The following BTBD9 variants were observed in gnomAD, a reference collection of about 807,000 sequenced individuals.
BTBD9 encodes the protein BTB/POZ domain-containing protein 9.
Under a neutral mutation model 64.3 loss-of-function variants are expected in BTBD9, and 49 were observed. The ratio of observed to expected loss-of-function variants is 0.76; its 90% CI spans 0.61 to 0.97. BTBD9 has a LOEUF of 0.97. Ranked by LOEUF, BTBD9 falls within the 50% of genes least tolerant of loss-of-function variation. BTBD9 has a pLI of 0.00. For missense variants in BTBD9, 598 were observed against 762.1 expected, an observed-to-expected ratio of 0.78 and a Z score of 2.53; for synonymous variants, 260 against 274.7, an observed-to-expected ratio of 0.95 and a Z score of 0.53.
At chr6:38,556,804 G>C (rs1421919420) in intron 6 of BTBD9, among the ~76,000 whole-genome samples, 2 of 150,728 alleles carry the variant, frequency 1.3e-5, no homozygotes, top group Non-Finnish European at 3.0e-5. Flanking sequence ...ATCACCTGAG[G>C]TCAGGAGTTC....
chr6:38,508,802 T>A (rs1772652190), intron 6 of BTBD9, among the ~76,000 whole-genome samples: 1 of 152,184 alleles, frequency 6.6e-6, no homozygotes, highest in Non-Finnish European at 1.5e-5. Context: ...TCCATACATG[T>A]TATTCCCCCA....
At chr6:38,327,290 C>T (rs1038627200) in intron 7 of BTBD9, among the ~76,000 whole-genome samples, 4 of 152,152 alleles carry the variant, frequency 2.6e-5, no homozygotes, top group Non-Finnish European at 5.9e-5. Flanking sequence ...GCTCACCCAC[C>T]AGGCTTCCAC....
intron 6 of BTBD9, among the ~76,000 whole-genome samples, chr6:38,490,256 G>T (rs1305393423): frequency 6.6e-6 from 1 of 152,128 alleles, no homozygotes; most frequent in Non-Finnish European, 1.5e-5. Context: ...TTCTCTCTGG[G>T]TACCATAACC....
intron 1 of BTBD9, among the ~76,000 whole-genome samples, chr6:38,619,787 T>G (rs1172106056): frequency 6.6e-6 from 1 of 152,226 alleles, no homozygotes; most frequent in African/African-American, 2.4e-5. Flanking sequence ...GGGACAGCCT[T>G]GTAACCAGGT....
At chr6:38,399,577 CTG>C (rs1182810088) in intron 6 of BTBD9, among the ~76,000 whole-genome samples, 2 of 152,178 alleles carry the variant, frequency 1.3e-5, no homozygotes, top group African/African-American at 2.4e-5. Context: ...ATGGCAGAGA[CTG>C]TGAGTTGCCT....
Position 38,495,600 on chromosome 6 carries a change from T to C in BTBD9, c.1154+82000A>G, listed in dbSNP as rs533485420. 7.9e-5 allele frequency among the ~76,000 whole-genome samples: 12 copies of C among 152,352 alleles called. No homozygotes were observed. The East Asian group carries it at 2.1e-3, about 27-fold the overall frequency. On this transcript the variant is annotated intron_variant, in intron 6 of 10. Coordinates refer to ENST00000481247, the MANE Select transcript of BTBD9 (RefSeq NM_001099272.2). ...GAATTGGCATTTGTTATGTGCTTCATGTGCTACTGGTTGCACCCAGCTTTT... is the reference window on the plus strand; with the variant it reads ...GAATTGGCATTTGTTATGTGCTTCACGTGCTACTGGTTGCACCCAGCTTTT...
At position 38,174,987 on chromosome 6, in the gene BTBD9, A is replaced by G; in HGVS notation, c.1837T>C (p.Ter613GlnextTer22). The G allele has an allele frequency of 6.2e-7, 1 of 1,613,714 alleles. No homozygotes were observed. The highest frequency in any genetic ancestry group is 8.5e-7 in the Non-Finnish European group (1 of 1,179,998). ...TCACACCAGGCCCGCTGCCTCCTTTATTGGTGCTGCCGGTTGGGGGAGCGT... is the reference window on the plus strand; with the variant it reads ...TCACACCAGGCCCGCTGCCTCCTTTGTTGGTGCTGCCGGTTGGGGGAGCGT... ...NSRSPNRQHQ[*>Q] Residue 613 changes from the stop codon to glutamine (Q), a stop_lost, in exon 11 of 11, where the codon TAA becomes CAA. Coordinates refer to ENST00000481247, the MANE Select transcript of BTBD9 (RefSeq NM_001099272.2).
At chr6:38,493,125 T>C (rs4454130) in intron 6 of BTBD9, among the ~76,000 whole-genome samples, 14,091 of 152,206 alleles carry the variant, frequency 0.093, 876 homozygotes, top group African/African-American at 0.15. Context: ...TAAAGGATAT[T>C]TATCAACAAT....
chr6:38,179,575 G>A (rs760489288), intron 10 of BTBD9: 2 of 456,616 alleles, frequency 4.4e-6, no homozygotes, highest in African/African-American at 2.0e-5. Flanking sequence ...TGCGCCCACA[G>A]CGCAGCTCCT....
chr6:38,305,465 A>G (rs1762592725), intron 7 of BTBD9, among the ~76,000 whole-genome samples: 1 of 152,068 alleles, frequency 6.6e-6, no homozygotes, highest in African/African-American at 2.4e-5. Flanking sequence ...TAAAGACTAT[A>G]AAAGGTTATT....
intron 8 of BTBD9, among the ~76,000 whole-genome samples, chr6:38,286,163 T>C (rs1761722980): frequency 6.6e-6 from 1 of 152,172 alleles, no homozygotes; most frequent in Non-Finnish European, 1.5e-5. Context: ...ATTTGTTGCC[T>C]ATGGTACTCA....
rs1218935066 is a variant in BTBD9, at chr6:38,170,875, CCGGGCCGTGCCCGACCTG to C, written c.*4092_*4109del. On this transcript the variant is annotated 3_prime_UTR_variant, in exon 11 of 11. Transcript: ENST00000481247. ...CGGCATCGCTGCAGACCTGCCCTGC[CCGGGCCGTGCCCGACCTG>C]GGCATCGCTCGGAGGAGCTGGTCAC... is the stretch of plus-strand genomic sequence containing the variant. 1.3e-5 allele frequency: 2 copies of C among 152,260 alleles called. No homozygotes were observed. The highest frequency in any genetic ancestry group is 4.8e-5 in the African/African-American group (2 of 41,474). The allele number at this position is 152,260 out of a possible 1,614,324, so 9.4% of individuals were successfully genotyped here. A position where few individuals can be genotyped will look rare whatever the true frequency, so the allele number is the denominator to read the frequency against.
intron 9 of BTBD9, among the ~76,000 whole-genome samples, chr6:38,245,547 G>C (rs1013051057): frequency 1.6e-4 from 24 of 152,214 alleles, no homozygotes; most frequent in African/African-American, 5.5e-4. Flanking sequence ...CAGGGGGCCA[G>C]ATTGTGCAGG....
chr6:38,368,286 G>A (rs187173221), intron 6 of BTBD9, among the ~76,000 whole-genome samples: 1 of 152,230 alleles, frequency 6.6e-6, no homozygotes, highest in East Asian at 1.9e-4. Flanking sequence ...CCCTTTGGGG[G>A]AATACATTGC....
intron 4 of BTBD9, among the ~76,000 whole-genome samples, chr6:38,586,616 C>T (rs754830014): frequency 6.6e-6 from 1 of 152,166 alleles, no homozygotes; most frequent in Non-Finnish European, 1.5e-5. Context: ...TGAACAACAA[C>T]AACAACAAAA....
intron 6 of BTBD9, among the ~76,000 whole-genome samples, chr6:38,515,662 A>T (rs1772992450): frequency 6.6e-6 from 1 of 152,164 alleles, no homozygotes; most frequent in South Asian, 2.1e-4. Context: ...TTACTCTTTT[A>T]TTCTTTCTGG....
intron 6 of BTBD9, among the ~76,000 whole-genome samples, chr6:38,425,430 A>G (rs1768101581): frequency 1.3e-5 from 2 of 151,840 alleles, no homozygotes; most frequent in Admixed American, 1.3e-4. Flanking sequence ...TCTAACACTT[A>G]TAACACTAGT....
At chr6:38,374,159 C>T (rs1233773586) in intron 6 of BTBD9, among the ~76,000 whole-genome samples, 2 of 149,574 alleles carry the variant, frequency 1.3e-5, no homozygotes, top group Non-Finnish European at 3.0e-5. Flanking sequence ...ATCCCAGTTA[C>T]TTGGGAGGCT....
chr6:38,522,149 A>G (rs1490688326), intron 6 of BTBD9, among the ~76,000 whole-genome samples: 1 of 152,140 alleles, frequency 6.6e-6, no homozygotes, highest in Non-Finnish European at 1.5e-5. Flanking sequence ...GCTCCTTGCC[A>G]GTTCATTCCA....
Sources: allele counts gnomAD v4.1 joint callset (sites outside exome capture counted in the v4.1 genomes callset), GRCh38; gene constraint gnomAD v4.1.1; transcripts MANE v1.5; gene names NCBI Gene and HGNC (gene_info 2026-07-23, HGNC 2026-07-21).